ROBO2: variants seen among roughly 807,000 people sequenced by gnomAD.
ROBO2 encodes the protein roundabout homolog 2.
In ROBO2, 53 loss-of-function variants were observed where a neutral mutation model predicts 160.8. The observed-to-expected ratio is 0.33, with a 90% CI of 0.26 to 0.41. ROBO2 has a LOEUF of 0.41. Among genes scored for constraint, ROBO2 ranks in the 10% least tolerant of loss-of-function variants. The probability of loss-of-function intolerance (pLI) is 1.00; values close to 1 mark genes in which losing one functional copy is unlikely to be tolerated. For missense variants in ROBO2, 1,577 were observed against 1,722.4 expected, an observed-to-expected ratio of 0.92 and a Z score of 1.49; for synonymous variants, 664 against 611.7, an observed-to-expected ratio of 1.09 and a Z score of -1.26.
intron 2 of ROBO2, among the ~76,000 whole-genome samples, chr3:77,442,318 GAAAA>G (rs573166915): frequency 2.3e-4 from 31 of 136,084 alleles, no homozygotes; most frequent in African/African-American, 8.3e-4. Context: ...GCTCAAAAAA[GAAAA>G]AAAAAAAAAT....
In ROBO2 at chr3:75,924,311, C is replaced by T. The variant is rs187338081; in HGVS notation, c.-13-13170C>T. ...ACAAAGAACCTTCAAACAGGAAGGCCGAAAGACCAGAGTGAGTAGAGGAGC... is the reference window on the plus strand; with the variant it reads ...ACAAAGAACCTTCAAACAGGAAGGCTGAAAGACCAGAGTGAGTAGAGGAGC... On this transcript the variant is annotated intron_variant, in intron 1 of 26. Transcript: ENST00000487694. Among the ~76,000 whole-genome samples, 61 of 151,958 alleles carry T rather than the reference C, an allele frequency of 4.0e-4. No individual in the cohort carries two copies. The East Asian group carries it at 0.012, about 29-fold the overall frequency.
chr3:77,620,881 G>C (rs2094886183), intron 22 of ROBO2, among the ~76,000 whole-genome samples: 3 of 152,114 alleles, frequency 2.0e-5, no homozygotes, highest in Non-Finnish European at 4.4e-5. Context: ...CACCTAAATA[G>C]CACAGCCTTT....
At chr3:76,261,360 G>T (rs1219476156) in intron 2 of ROBO2, among the ~76,000 whole-genome samples, 1 of 151,706 alleles carries the variant, frequency 6.6e-6, no homozygotes, top group East Asian at 1.9e-4. Context: ...TCAGTTTTCA[G>T]AACCAAAATT....
At chr3:77,605,509 A>C (rs1006235262) in intron 20 of ROBO2, among the ~76,000 whole-genome samples, 8 of 152,176 alleles carry the variant, frequency 5.3e-5, no homozygotes, top group Non-Finnish European at 7.3e-5. Context: ...AAATTTCCTC[A>C]AAAGAAGAGA....
chr3:77,556,403 T>G (rs2153657528), intron 8 of ROBO2, among the ~76,000 whole-genome samples: 1 of 152,030 alleles, frequency 6.6e-6, no homozygotes, highest in Admixed American at 6.6e-5. Flanking sequence ...TTGTTTTTCT[T>G]AGGTTTTATC....
chr3:76,247,780 A>C (rs1705708684), intron 2 of ROBO2, among the ~76,000 whole-genome samples: 1 of 152,018 alleles, frequency 6.6e-6, no homozygotes, highest in Non-Finnish European at 1.5e-5. Flanking sequence ...TCTACAATGA[A>C]CTCAAACAAA....
At chr3:77,152,059 T>G (rs2077590814) in intron 2 of ROBO2, among the ~76,000 whole-genome samples, 1 of 152,176 alleles carries the variant, frequency 6.6e-6, no homozygotes, top group African/African-American at 2.4e-5. Flanking sequence ...GCTTTTGATT[T>G]TCTGGGCATA....
chr3:77,144,044 A>T (rs899226543), intron 2 of ROBO2, among the ~76,000 whole-genome samples: 1 of 152,154 alleles, frequency 6.6e-6, no homozygotes, highest in Non-Finnish European at 1.5e-5. Flanking sequence ...GTCCTGCATG[A>T]TCCGATCTTA....
chr3:76,820,414 T>G (rs915284990), intron 2 of ROBO2, among the ~76,000 whole-genome samples: 2 of 152,068 alleles, frequency 1.3e-5, no homozygotes, highest in African/African-American at 4.8e-5. Flanking sequence ...GAAAACCCCT[T>G]TTGTTCTCCT....
At chr3:77,566,999 A>G (rs2093502050) in intron 12 of ROBO2, among the ~76,000 whole-genome samples, 1 of 152,020 alleles carries the variant, frequency 6.6e-6, no homozygotes, top group South Asian at 2.1e-4. Flanking sequence ...AACAGAACAT[A>G]CATATATAGG....
chr3:77,131,676 C>A (rs531243487), intron 2 of ROBO2, among the ~76,000 whole-genome samples: 1 of 152,016 alleles, frequency 6.6e-6, no homozygotes, highest in Non-Finnish European at 1.5e-5. Context: ...CTATGTATTT[C>A]TTTACATTAA....
chr3:76,725,149 C>G (rs1309646780), intron 2 of ROBO2, among the ~76,000 whole-genome samples: 1 of 152,010 alleles, frequency 6.6e-6, no homozygotes, highest in Non-Finnish European at 1.5e-5. Context: ...ATTATAGCGC[C>G]CAGAAGGCAC....
At chr3:77,373,063 ATAAAATAAT>A (rs1187502230) in intron 2 of ROBO2, among the ~76,000 whole-genome samples, 5 of 147,472 alleles carry the variant, frequency 3.4e-5, no homozygotes, top group African/African-American at 1.2e-4. Context: ...AAATTTTATA[ATAAAATAAT>A]TAAAATTATT....
At chr3:75,910,864 T>C (rs976877004) in intron 1 of ROBO2, among the ~76,000 whole-genome samples, 1 of 152,026 alleles carries the variant, frequency 6.6e-6, no homozygotes, top group Non-Finnish European at 1.5e-5. Flanking sequence ...CATAAGTAAG[T>C]GATGGATTAT....
intron 2 of ROBO2, among the ~76,000 whole-genome samples, chr3:76,496,364 AG>A (rs1339112100): frequency 1.3e-5 from 2 of 152,180 alleles, no homozygotes; most frequent in Non-Finnish European, 2.9e-5. Context: ...AAACCCCTCT[AG>A]GGGGTACCTT....
At chr3:76,673,372 G>A (rs184822420) in intron 2 of ROBO2, among the ~76,000 whole-genome samples, 3 of 152,238 alleles carry the variant, frequency 2.0e-5, no homozygotes, top group Admixed American at 2.0e-4. Flanking sequence ...CCAGGCAGTG[G>A]TGGGTTGGGT....
At chr3:76,058,632 A>T (rs1017027566) in intron 2 of ROBO2, among the ~76,000 whole-genome samples, 1 of 127,730 alleles carries the variant, frequency 7.8e-6, no homozygotes, top group East Asian at 2.6e-4. Flanking sequence ...GGTATGCAAG[A>T]TTGTTTCCTT....
intron 2 of ROBO2, among the ~76,000 whole-genome samples, chr3:76,486,008 A>T (rs367643689): frequency 6.6e-6 from 1 of 152,188 alleles, no homozygotes; most frequent in South Asian, 2.1e-4. Context: ...CCTCAGTTCA[A>T]TCACTCTCCA....
At chr3:77,387,654 A>T (rs1241075921) in intron 2 of ROBO2, among the ~76,000 whole-genome samples, 1 of 151,998 alleles carries the variant, frequency 6.6e-6, no homozygotes, top group Non-Finnish European at 1.5e-5. Context: ...AAAAAAAAAA[A>T]GCTGAAAGCT....
Sources: gnomAD v4.1 joint callset for allele counts (sites outside exome capture counted in the v4.1 genomes callset) on GRCh38, gnomAD v4.1.1 for gene constraint, MANE v1.5 for transcripts, NCBI Gene and HGNC (gene_info 2026-07-23, HGNC 2026-07-21) for gene names.